The following FAM114A1 variants were observed in gnomAD, a reference collection of about 807,000 sequenced individuals.
The protein encoded by FAM114A1 is protein NOXP20.
A neutral mutation model predicts 64.3 loss-of-function variants in FAM114A1; 62 were observed. That is an observed-to-expected ratio of 0.96 (90% confidence interval 0.79 to 1.19). The LOEUF is 1.19. Among genes scored for constraint, FAM114A1 ranks in the 50% most tolerant of loss-of-function variants. The pLI, the probability that FAM114A1 is intolerant of heterozygous loss-of-function variation, is 0.00. For synonymous variants in FAM114A1, 254 were observed against 251.1 expected, an observed-to-expected ratio of 1.01 and a Z score of -0.11; for missense variants, 645 against 676.3, an observed-to-expected ratio of 0.95 and a Z score of 0.51.
At chr4:38,907,557 A>T (rs996946414) in intron 6 of FAM114A1, among the ~76,000 whole-genome samples, 9 of 152,308 alleles carry the variant, frequency 5.9e-5, no homozygotes, top group African/African-American at 2.2e-4. Context: ...CTGCTGTCCC[A>T]TCATCCCCCC....
rs1443024885 is a variant in FAM114A1, at chr4:38,917,369, A to G, written c.945+2296A>G. Among the ~76,000 whole-genome samples, 6 of 151,532 alleles carry G rather than the reference A, an allele frequency of 4.0e-5. No individual in the cohort carries two copies. The East Asian group carries it at 1.2e-3, about 29-fold the overall frequency. On this transcript the variant is annotated intron_variant, in intron 8 of 14. Coordinates refer to ENST00000358869, the MANE Select transcript of FAM114A1 (RefSeq NM_138389.4). ...AAAAAGGCAAGGTCTGGAGTCAGAC[A>G]TTATTTAATTAAACACCATGCAGAA... is the stretch of plus-strand genomic sequence containing the variant.
chr4:38,927,269 A>G (rs1231933190), intron 9 of FAM114A1, among the ~76,000 whole-genome samples: 1 of 152,258 alleles, frequency 6.6e-6, no homozygotes, highest in African/African-American at 2.4e-5. Context: ...TATGTGGCTT[A>G]TAAACAACAG....
At chr4:38,936,235 G>A (rs1721081980) in intron 13 of FAM114A1, among the ~76,000 whole-genome samples, 1 of 151,778 alleles carries the variant, frequency 6.6e-6, no homozygotes, top group Non-Finnish European at 1.5e-5. Context: ...TGGGACTACA[G>A]GCGCCCGCCA....
intron 2 of FAM114A1, among the ~76,000 whole-genome samples, chr4:38,872,859 G>A (rs1714219940): frequency 6.6e-6 from 1 of 152,214 alleles, no homozygotes; most frequent in African/African-American, 2.4e-5. Flanking sequence ...AACAAAGGGT[G>A]TATCTCTGGT....
Position 38,931,454 on chromosome 4 carries a change from A to T in FAM114A1, c.1165A>T (p.Met389Leu). The stretch of plus-strand genomic sequence containing the variant: ...GTTTGGTTGGGGACCTCTGCAGGCC[A>T]TGAAGAGGGCTCATGACTGGGTGGA... ...AATPDKLNKA[M>L]KRAHDWVEED... Residue 389 changes from methionine (M) to leucine (L), a missense_variant, in exon 11 of 15, where the codon ATG (methionine) becomes TTG (leucine). Physicochemically the swap from Met to Leu is conservative, Grantham distance 15. Coordinates refer to ENST00000358869, the MANE Select transcript of FAM114A1 (RefSeq NM_138389.4). The T allele has an allele frequency of 6.2e-7, 1 of 1,609,376 alleles. No homozygotes were observed. The highest frequency in any genetic ancestry group is 1.7e-4 in the Middle Eastern group (1 of 6,040).
In FAM114A1 at chr4:38,870,460, A is replaced by G. The variant is rs150258261; in HGVS notation, c.-9+1914A>G. Among the ~76,000 whole-genome samples the G allele has an allele frequency of 5.0e-3, 762 of 152,318 alleles. 5 individuals carry two copies. The highest frequency in any genetic ancestry group is 0.017 in the African/African-American group (701 of 41,574). On this transcript the variant is annotated intron_variant, in intron 2 of 14. Transcript: ENST00000358869. ...GGATAGTGACCATGTCTTCTGTTTT[A>G]TACTTATTTTTGGAGCTGTGATGTT...
chr4:38,883,074 C>T (rs1252654145), intron 3 of FAM114A1, among the ~76,000 whole-genome samples: 1 of 152,208 alleles, frequency 6.6e-6, no homozygotes, highest in African/African-American at 2.4e-5. Flanking sequence ...CTACAACCTC[C>T]GTGAGAAATG....
At chr4:38,882,933 T>C (rs918527932) in intron 3 of FAM114A1, among the ~76,000 whole-genome samples, 2 of 152,200 alleles carry the variant, frequency 1.3e-5, no homozygotes, top group African/African-American at 4.8e-5. Flanking sequence ...GGCACCTCTG[T>C]TTTTAAGGAC....
In FAM114A1 at chr4:38,891,773, T is replaced by C. The variant is rs747046410; in HGVS notation, c.379T>C (p.Trp127Arg). 6.2e-7 allele frequency: 1 copy of C among 1,612,328 alleles called. No homozygotes were observed. Among genetic ancestry groups the C allele is most frequent in the Non-Finnish European group, 8.5e-7 (1 of 1,179,298 alleles). The stretch of plus-strand genomic sequence containing the variant: ...GGATTCCCCTCCAAGTGGAGGAGGA[T>C]GGGCAGGCTGGGGATCCTGGGGCAA... The part of the protein sequence containing the change: ...AVDSPPSGGG[W>R]AGWGSWGKSL... The change falls in exon 4 of 15, where the codon TGG (tryptophan) becomes CGG (arginine). Residue 127 changes from tryptophan (W) to arginine (R), a missense_variant. By Grantham distance (101) the Trp-to-Arg change is moderately radical (BLOSUM62 -3). Coordinates refer to ENST00000358869, the MANE Select transcript of FAM114A1 (RefSeq NM_138389.4).
At chr4:38,915,418 G>A (rs193094269) in intron 8 of FAM114A1, among the ~76,000 whole-genome samples, 30 of 152,244 alleles carry the variant, frequency 2.0e-4, no homozygotes, top group African/African-American at 7.0e-4. Context: ...GAGATGCCCT[G>A]CCAGCCCACA....
intron 8 of FAM114A1, among the ~76,000 whole-genome samples, chr4:38,918,578 A>G (rs1169853300): frequency 6.6e-6 from 1 of 152,238 alleles, no homozygotes; most frequent in African/African-American, 2.4e-5. Context: ...TATGTAGAAA[A>G]TATTCACTGT....
intron 3 of FAM114A1, among the ~76,000 whole-genome samples, chr4:38,881,388 G>C (rs1715258168): frequency 6.6e-6 from 1 of 152,134 alleles, no homozygotes; most frequent in South Asian, 2.1e-4. Context: ...ACCTTGGAAA[G>C]GGGAGAAATT....
chr4:38,915,197 T>A, intron 8 of FAM114A1, 124 bp downstream of exon 8: 1 of 1,210,806 alleles, frequency 8.3e-7, no homozygotes, highest in Non-Finnish European at 1.2e-6. Flanking sequence ...TGTGCTGAGG[T>A]CAGAAATACT....
chr4:38,868,647 C>T (rs1424688617), intron 2 of FAM114A1, 101 bp downstream of exon 2: 1 of 152,284 alleles, frequency 6.6e-6, no homozygotes, highest in African/African-American at 2.4e-5. Context: ...TTACCTATGC[C>T]CTACTGATCC....
chr4:38,868,106 C>T (rs773402713), intron 1 of FAM114A1: 1 of 290,756 alleles, frequency 3.4e-6, no homozygotes. Context: ...CTCATGCACA[C>T]ACCCACACGC....
intron 3 of FAM114A1, among the ~76,000 whole-genome samples, chr4:38,881,624 A>G (rs77397127): frequency 0.016 from 2,488 of 152,316 alleles, 115 homozygotes; most frequent in Admixed American, 0.086. Context: ...TATTTAAACC[A>G]TTCTACGTAG....
chr4:38,908,735 A>G lies in FAM114A1; in HGVS notation c.792+9A>G, dbSNP rs1452903042. On this transcript the variant is annotated intron_variant, in intron 7 of 14. Coordinates refer to ENST00000358869, the MANE Select transcript of FAM114A1 (RefSeq NM_138389.4). ...CTGTTTCCTTGTCTCAGGTTGGATT[A>G]TATACGTTTGCAATTTTTTCTTTCA... 1 of 1,550,176 alleles carries G rather than the reference A, an allele frequency of 6.5e-7. No individual in the cohort carries two copies. Among genetic ancestry groups the G allele is most frequent in the African/African-American group, 1.4e-5 (1 of 73,722 alleles).
At chr4:38,939,886 C>CTTTTTTTTTTTTTTTTT (rs545845095) in intron 13 of FAM114A1, among the ~76,000 whole-genome samples, 3 of 131,668 alleles carry the variant, frequency 2.3e-5, no homozygotes, top group Non-Finnish European at 1.6e-5. Context: ...CACTTTCTTT[C>CTTTTTTTTTTTTTTTTT]TTTTTTTTTT....
In FAM114A1 at chr4:38,944,038, T is replaced by A. The variant is rs946789080; in HGVS notation, c.*481T>A. 2 of 152,214 alleles carry A rather than the reference T, an allele frequency of 1.3e-5. No homozygotes were observed. The highest frequency in any genetic ancestry group is 1.3e-4 in the Admixed American group (2 of 15,312). The allele number at this position is 152,214 out of a possible 1,614,324, so 9.4% of individuals were successfully genotyped here. ...AACACTACTTATAGATTTTACCTAT[T>A]ATGGTAAAAAATAGGAACATATTGT... On this transcript the variant is annotated 3_prime_UTR_variant, in exon 15 of 15. Transcript: ENST00000358869.
Sources: gnomAD v4.1 joint callset for allele counts (sites outside exome capture counted in the v4.1 genomes callset) on GRCh38, gnomAD v4.1.1 for gene constraint, MANE v1.5 for transcripts, NCBI Gene and HGNC (gene_info 2026-07-23, HGNC 2026-07-21) for gene names.